Variants in TAF12 observed in about 807,000 individuals in gnomAD.
The protein encoded by TAF12 is TATA-box binding protein associated factor 12.
In TAF12, 3 loss-of-function variants were observed where a neutral mutation model predicts 20.8. That is an observed-to-expected ratio of 0.14 (90% CI 0.07 to 0.37). TAF12 has a LOEUF of 0.37. TAF12 is among the 10% of genes least tolerant of loss of function. The pLI is 1.00. For synonymous variants in TAF12, 69 were observed against 70.2 expected, an observed-to-expected ratio of 0.98 and a Z score of 0.09; for missense variants, 131 against 197.9, an observed-to-expected ratio of 0.66 and a Z score of 2.03.
chr1:28,617,447 T>C (rs1391485214), intron 3 of TAF12, among the ~76,000 whole-genome samples: 1 of 151,734 alleles, frequency 6.6e-6, no homozygotes, highest in African/African-American at 2.4e-5. Context: ...TCAGCTAATT[T>C]TTTTTCTTTT....
chr1:28,620,732 C>G (rs564602455), intron 2 of TAF12, among the ~76,000 whole-genome samples: 1 of 152,076 alleles, frequency 6.6e-6, no homozygotes, highest in South Asian at 2.1e-4. Context: ...CATGCCCGGC[C>G]GAACCCAGAA....
chr1:28,631,583 AC>A (rs1667621612), intron 1 of TAF12, among the ~76,000 whole-genome samples: 1 of 152,116 alleles, frequency 6.6e-6, no homozygotes, highest in East Asian at 1.9e-4. Context: ...TAATCCCAGT[AC>A]TTTGGGAGGC....
At chr1:28,617,236 G>A (rs954386894) in intron 3 of TAF12, among the ~76,000 whole-genome samples, 1 of 152,148 alleles carries the variant, frequency 6.6e-6, no homozygotes, top group Non-Finnish European at 1.5e-5. Context: ...GTGATTGCCT[G>A]TGAGCAACAG....
intron 1 of TAF12, chr1:28,623,844 C>T (rs989815396): frequency 2.4e-5 from 11 of 467,514 alleles, no homozygotes; most frequent in African/African-American, 4.2e-5. Flanking sequence ...ACTCCTGAAT[C>T]TTAGAGTCAT....
chr1:28,636,454 T>C (rs1275778265), intron 1 of TAF12, among the ~76,000 whole-genome samples: 1 of 152,074 alleles, frequency 6.6e-6, no homozygotes, highest in African/African-American at 2.4e-5. Context: ...AGCTACATAA[T>C]CTCTTTATGC....
Position 28,625,040 on chromosome 1 carries a change from A to T in TAF12, c.-84-2875T>A, listed in dbSNP as rs188374465. On this transcript the variant is annotated intron_variant, in intron 1 of 5. Transcript: ENST00000373824. The stretch of plus-strand genomic sequence containing the variant: ...TGTTCTAATATTATAAAAGCAAACT[A>T]TTTTCCCAAAGCAAGTTCTATGCAA... Among the ~76,000 whole-genome samples, 586 of 152,212 alleles carry T rather than the reference A, an allele frequency of 3.8e-3. 4 individuals carry two copies. The highest frequency in any genetic ancestry group is 2.7e-3 in the Non-Finnish European group (186 of 68,002).
chr1:28,645,314 C>T (rs1168712927), upstream of TAF12, among the ~76,000 whole-genome samples: 1 of 150,450 alleles, frequency 6.6e-6, no homozygotes, highest in African/African-American at 2.4e-5. Flanking sequence ...GGATTACAGG[C>T]AGGAGCCACT....
intron 1 of TAF12, among the ~76,000 whole-genome samples, chr1:28,634,415 CAAAAAA>C (rs1159192480): frequency 9.6e-5 from 4 of 41,554 alleles, no homozygotes; most frequent in African/African-American, 3.4e-4. Context: ...GACTCCATCT[CAAAAAA>C]AAAAAAAAAA....
At position 28,605,278 on chromosome 1, in the gene TAF12, C is replaced by T. The variant is rs376602999; in HGVS notation, c.450+94G>A. 315 of 1,332,114 alleles carry T rather than the reference C, an allele frequency of 2.4e-4. No homozygotes were observed. The East Asian group carries it at 5.8e-3, about 24-fold the overall frequency. 82.5% of individuals were successfully genotyped at this position (1,332,114 alleles called of 1,614,324 possible). A position where few individuals can be genotyped will look rare whatever the true frequency, so the allele number is the denominator to read the frequency against. On this transcript the variant is annotated intron_variant, in intron 5 of 5. Transcript: ENST00000373824. Reference sequence around the variant, plus strand: ...AGTGAAGTTTGCTGTGTGGAGGAAGCGAGGCCCCCTAGAAGGTAGCTGTGT... The same window carrying T: ...AGTGAAGTTTGCTGTGTGGAGGAAGTGAGGCCCCCTAGAAGGTAGCTGTGT...
chr1:28,605,485 G>A, intron 4 of TAF12, 25 bp from the exon 5 acceptor site: 3 of 1,612,022 alleles, frequency 1.9e-6, no homozygotes, highest in Non-Finnish European at 2.5e-6. Context: ...CCAGCACAGA[G>A]ATAAACGTAC....
chr1:28,609,260 G>T (rs960391706), intron 4 of TAF12, among the ~76,000 whole-genome samples: 24 of 151,512 alleles, frequency 1.6e-4, no homozygotes, highest in Non-Finnish European at 1.6e-4. Flanking sequence ...ATTTTTAGTA[G>T]AGGCAGGGTT....
intron 3 of TAF12, among the ~76,000 whole-genome samples, chr1:28,613,608 C>G (rs1666935527): frequency 6.6e-6 from 1 of 152,216 alleles, no homozygotes; most frequent in South Asian, 2.1e-4. Context: ...ATCCCAATCC[C>G]TACCCTCCAT....
chr1:28,644,466 T>A (rs1668134589), upstream of TAF12, among the ~76,000 whole-genome samples: 1 of 152,246 alleles, frequency 6.6e-6, no homozygotes, highest in African/African-American at 2.4e-5. Context: ...TACATCTTTT[T>A]TAAGACCCAG....
At chr1:28,606,986 C>T (rs1666687974) in intron 4 of TAF12, among the ~76,000 whole-genome samples, 1 of 152,222 alleles carries the variant, frequency 6.6e-6, no homozygotes, top group Non-Finnish European at 1.5e-5. Context: ...GTCCACACCA[C>T]AGTTCCATGA....
intron 1 of TAF12, among the ~76,000 whole-genome samples, chr1:28,642,259 T>C (rs1557477622): frequency 1.3e-5 from 2 of 152,198 alleles, no homozygotes; most frequent in Admixed American, 6.6e-5. Context: ...GAAGGAGAAG[T>C]TGTCTTCCCC....
chr1:28,635,275 C>T (rs1488633957), intron 1 of TAF12, among the ~76,000 whole-genome samples: 1 of 141,300 alleles, frequency 7.1e-6, no homozygotes, highest in Admixed American at 7.2e-5. Context: ...TATCCTCCCT[C>T]CTTTTTTTTT....
rs1666562943 is a variant in TAF12 at position 28,603,250 on chromosome 1, G to A, written c.*289C>T. 3 of 418,872 alleles carry A rather than the reference G, an allele frequency of 7.2e-6. No individual in the cohort carries two copies. Among genetic ancestry groups the A allele is most frequent in the Admixed American group, 3.8e-5 (1 of 26,516 alleles). 25.9% of individuals were successfully genotyped at this position (418,872 alleles called of 1,614,324 possible). ...CTGTCTTACCCAAAAAGACCATAAT[G>A]CTTTGTCCCATATTCAGTCACTTAT... is the stretch of plus-strand genomic sequence containing the variant. On this transcript the variant is annotated 3_prime_UTR_variant, in exon 6 of 6. Coordinates refer to ENST00000373824, the MANE Select transcript of TAF12 (RefSeq NM_005644.4).
intron 2 of TAF12, among the ~76,000 whole-genome samples, chr1:28,619,214 C>G (rs966298975): frequency 6.6e-6 from 1 of 151,528 alleles, no homozygotes; most frequent in Admixed American, 6.6e-5. Context: ...TACAAAATGG[C>G]TGGGTGCAGT....
Position 28,643,027 on chromosome 1 carries a change from A to G in TAF12, c.-120T>C, listed in dbSNP as rs114394231. ...GTCTATCTCCCCATGATATGCAGAG[A>G]CTGCCCCAGTGAAGCGTTCGTCTCA... On this transcript the variant is annotated 5_prime_UTR_variant, in exon 1 of 6. Transcript: ENST00000373824. The G allele has an allele frequency of 1.0e-6, 1 of 985,716 alleles. No homozygotes were observed. Among genetic ancestry groups the G allele is most frequent in the African/African-American group, 1.7e-5 (1 of 57,224 alleles). The allele number at this position is 985,716 out of a possible 1,614,324, so 61.1% of individuals were successfully genotyped here.
Sources: gnomAD v4.1 joint callset for allele counts (sites outside exome capture counted in the v4.1 genomes callset) on GRCh38, gnomAD v4.1.1 for gene constraint, MANE v1.5 for transcripts, NCBI Gene and HGNC (gene_info 2026-07-23, HGNC 2026-07-21) for gene names.